Variants in GPBP1 observed in about 807,000 individuals in gnomAD.
GPBP1 encodes GC-rich promoter binding protein 1, also known as vasculin.
In GPBP1, 13 loss-of-function variants were observed where a neutral mutation model predicts 56.5. That is an observed-to-expected ratio of 0.23 (90% CI 0.15 to 0.37). The LOEUF is 0.37. Ranked by LOEUF, GPBP1 falls within the 10% of genes least tolerant of loss-of-function variation. The pLI, the probability that GPBP1 is intolerant of heterozygous loss-of-function variation, is 1.00. For missense variants in GPBP1, 477 were observed against 572.3 expected (o/e 0.83, Z 1.70); for synonymous variants, 204 against 188.9 (o/e 1.08, Z -0.66).
At chr5:57,175,356 TTC>T (rs1454652351) in intron 1 of GPBP1, 90 bp from the exon 2 acceptor site, 1 of 391,794 alleles carries the variant, frequency 2.6e-6, no homozygotes, top group Non-Finnish European at 4.5e-6. Context: ...AGAAGTGATT[TTC>T]TCTCCAGAGG....
At chr5:57,222,781 G>A (rs1186330227) in intron 3 of GPBP1, among the ~76,000 whole-genome samples, 3 of 152,156 alleles carry the variant, frequency 2.0e-5, no homozygotes, top group Non-Finnish European at 4.4e-5. Flanking sequence ...TCTCCAAAAT[G>A]TTCGTATCTA....
chr5:57,246,909 A>T lies in GPBP1; in HGVS notation c.664-166A>T, dbSNP rs570281215. On this transcript the variant is annotated intron_variant, in intron 7 of 11. Coordinates refer to ENST00000506184, the MANE Select transcript of GPBP1 (RefSeq NM_022913.4). ...TGTTCAGTTTTTATTTTATTTGTTG[A>T]AAAAGAAAGGGACAGAGAACTATGT... 3.3e-5 allele frequency among the ~76,000 whole-genome samples: 5 copies of T among 152,294 alleles called. No homozygotes were observed. The East Asian group carries it at 7.7e-4, about 23-fold the overall frequency.
chr5:57,226,553 C>CTTTTT (rs34180383), intron 3 of GPBP1, among the ~76,000 whole-genome samples: 44 of 62,122 alleles, frequency 7.1e-4, no homozygotes, highest in African/African-American at 1.2e-3. Flanking sequence ...AGCATTTTTG[C>CTTTTT]TTTTTTTTTT....
intron 9 of GPBP1, 143 bp downstream of exon 9, chr5:57,249,719 TCTCCC>T (rs1741268798): frequency 1.9e-6 from 1 of 537,166 alleles, no homozygotes. Flanking sequence ...TGACTTGGCT[TCTCCC>T]CTCCTCTCTC....
chr5:57,251,962 A>C (rs1220397451), intron 10 of GPBP1, among the ~76,000 whole-genome samples: 1 of 152,122 alleles, frequency 6.6e-6, no homozygotes, highest in Non-Finnish European at 1.5e-5. Flanking sequence ...TCCTCTTAGG[A>C]GAGAAATAAC....
At chr5:57,197,829 C>G (rs775512150) in intron 2 of GPBP1, among the ~76,000 whole-genome samples, 3 of 151,368 alleles carry the variant, frequency 2.0e-5, no homozygotes, top group Non-Finnish European at 4.4e-5. Context: ...TTAATGATCT[C>G]TTTCATTTGC....
intron 3 of GPBP1, among the ~76,000 whole-genome samples, chr5:57,224,447 T>C (rs1756091660): frequency 6.6e-6 from 1 of 151,892 alleles, no homozygotes; most frequent in Non-Finnish European, 1.5e-5. Context: ...TTCACCATAT[T>C]GTTCAGGCTA....
At chr5:57,244,135 AAGTTGC>A (rs1740971413) in intron 6 of GPBP1, among the ~76,000 whole-genome samples, 1 of 152,106 alleles carries the variant, frequency 6.6e-6, no homozygotes, top group Non-Finnish European at 1.5e-5. Context: ...ATTTTTATCA[AAGTTGC>A]ATTTCTGCCT....
chr5:57,197,321 T>G (rs1754808000), intron 2 of GPBP1, among the ~76,000 whole-genome samples: 1 of 151,052 alleles, frequency 6.6e-6, no homozygotes, highest in Non-Finnish European at 1.5e-5. Flanking sequence ...CCTCAAGCAG[T>G]CCCTAGGCTT....
chr5:57,213,544 T>A (rs1263361770), intron 2 of GPBP1, among the ~76,000 whole-genome samples: 2 of 152,184 alleles, frequency 1.3e-5, no homozygotes, highest in African/African-American at 4.8e-5. Flanking sequence ...AGCCACTATT[T>A]GTCGTAGAAA....
chr5:57,255,487 A>C (rs1741616692), intron 10 of GPBP1, among the ~76,000 whole-genome samples: 1 of 152,264 alleles, frequency 6.6e-6, no homozygotes, highest in Non-Finnish European at 1.5e-5. Context: ...AATTGGTAGA[A>C]AGGGAAAAGG....
intron 3 of GPBP1, among the ~76,000 whole-genome samples, chr5:57,225,497 A>AC (rs1426019964): frequency 1.7e-4 from 22 of 129,894 alleles, no homozygotes; most frequent in African/African-American, 5.5e-4. Flanking sequence ...TTCTCAAAAA[A>AC]AAAAAAAAAA....
At chr5:57,257,080 C>G (rs1741698465) in intron 10 of GPBP1, among the ~76,000 whole-genome samples, 1 of 151,662 alleles carries the variant, frequency 6.6e-6, no homozygotes, top group Admixed American at 6.6e-5. Flanking sequence ...GTCACACAGG[C>G]TGGAGTACCG....
At position 57,225,285 on chromosome 5, in the gene GPBP1, C is replaced by T. The variant is rs554900592; in HGVS notation, c.64-5561C>T. On this transcript the variant is annotated intron_variant, in intron 3 of 11. Transcript: ENST00000506184. ...CATCCTGGCTAACATGGTGAAACCCCGTCTCTACTAAAACCTGGCTAACAT... is the reference window on the plus strand; with the variant it reads ...CATCCTGGCTAACATGGTGAAACCCTGTCTCTACTAAAACCTGGCTAACAT... Among the ~76,000 whole-genome samples, 69 of 143,236 alleles carry T rather than the reference C, an allele frequency of 4.8e-4. 1 individual carries two copies. The South Asian group carries it at 0.013, about 28-fold the overall frequency. The allele number at this position is 143,236 out of a possible 152,430, so 94.0% of individuals were successfully genotyped here.
chr5:57,193,860 T>A (rs564132812), intron 2 of GPBP1, among the ~76,000 whole-genome samples: 14 of 152,268 alleles, frequency 9.2e-5, no homozygotes, highest in Admixed American at 2.6e-4. Flanking sequence ...GATTTAAAAT[T>A]GTTTTGAATT....
rs557681186 is a variant in GPBP1 at position 57,244,816 on chromosome 5, T to A, written c.479-1484T>A. Among the ~76,000 whole-genome samples, 508 of 144,024 alleles carry A rather than the reference T, an allele frequency of 3.5e-3. 2 individuals carry two copies. The highest frequency in any genetic ancestry group is 5.9e-3 in the Non-Finnish European group (394 of 66,834). 94.5% of individuals were successfully genotyped at this position (144,024 alleles called of 152,430 possible). A position where few individuals can be genotyped will look rare whatever the true frequency, so the allele number is the denominator to read the frequency against. Reference sequence around the variant, plus strand: ...TGGCGTGATCTCGGCTTACTGCAACTTCTGCCTCCCAGGTTCAAGTGATTC... The same window carrying A: ...TGGCGTGATCTCGGCTTACTGCAACATCTGCCTCCCAGGTTCAAGTGATTC... On this transcript the variant is annotated intron_variant, in intron 6 of 11. Coordinates refer to ENST00000506184, the MANE Select transcript of GPBP1 (RefSeq NM_022913.4).
rs532771823 is a variant in GPBP1 at position 57,199,260 on chromosome 5, AGTGGTTATTTAGTT to A, written c.-57-14813_-57-14800del. Reference sequence around the variant, plus strand: ...ATATAACAAAAGTTAGCTGTGTCATAGTGGTTATTTAGTTTCTGACTATTTTTTATAGTTTTTGA... The same window carrying A: ...ATATAACAAAAGTTAGCTGTGTCATATCTGACTATTTTTTATAGTTTTTGA... On this transcript the variant is annotated intron_variant, in intron 2 of 11. Coordinates refer to ENST00000506184, the MANE Select transcript of GPBP1 (RefSeq NM_022913.4). Among the ~76,000 whole-genome samples the A allele has an allele frequency of 9.0e-3, 1,364 of 152,314 alleles. 9 individuals carry two copies. The highest frequency in any genetic ancestry group is 0.016 in the Non-Finnish European group (1,080 of 68,026).
At chr5:57,239,187 A>G (rs2111890115) in intron 6 of GPBP1, among the ~76,000 whole-genome samples, 1 of 152,366 alleles carries the variant, frequency 6.6e-6, no homozygotes, top group East Asian at 1.9e-4. Context: ...AGAAAAAAGT[A>G]GTACAACGTG....
At chr5:57,234,203 T>A (rs1333354304) in intron 5 of GPBP1, among the ~76,000 whole-genome samples, 11 of 152,200 alleles carry the variant, frequency 7.2e-5, no homozygotes, top group African/African-American at 2.7e-4. Context: ...ATTGATTTTA[T>A]TTAATATATA....
Sources: gnomAD v4.1 joint callset for allele counts (sites outside exome capture counted in the v4.1 genomes callset) on GRCh38, gnomAD v4.1.1 for gene constraint, MANE v1.5 for transcripts, NCBI Gene and HGNC (gene_info 2026-07-23, HGNC 2026-07-21) for gene names.